SLC39A10: variants seen among roughly 807,000 people sequenced by gnomAD.
SLC39A10 encodes the protein solute carrier family 39 member 10.
In SLC39A10, 13 loss-of-function variants were observed where a neutral mutation model predicts 65.1. That is an observed-to-expected ratio of 0.20 (90% CI 0.13 to 0.32). The LOEUF is 0.32. Ranked by LOEUF, SLC39A10 falls within the 10% of genes least tolerant of loss-of-function variation. The pLI, the probability that SLC39A10 is intolerant of heterozygous loss-of-function variation, is 1.00. For missense variants in SLC39A10, 831 were observed against 1,018.4 expected (o/e 0.82, Z 2.50); for synonymous variants, 321 against 342.2 (o/e 0.94, Z 0.68).
intron 2 of SLC39A10, among the ~76,000 whole-genome samples, chr2:195,637,353 G>T (rs1002787369): frequency 6.6e-6 from 1 of 152,170 alleles, no homozygotes; most frequent in Admixed American, 6.5e-5. Flanking sequence ...CCCCACATGA[G>T]AGGTATTTTG....
chr2:195,677,409 T>G (rs570872042), intron 1 of SLC39A10, among the ~76,000 whole-genome samples: 19 of 152,182 alleles, frequency 1.2e-4, no homozygotes, highest in Admixed American at 7.2e-4. Context: ...CTGAGCGTGG[T>G]GGCACACACA....
intron 1 of SLC39A10, among the ~76,000 whole-genome samples, chr2:195,673,533 C>T (rs1320568172): frequency 6.6e-6 from 1 of 152,198 alleles, no homozygotes; most frequent in Non-Finnish European, 1.5e-5. Context: ...TGTTGTCTAG[C>T]TTGCATCAAA....
intron 2 of SLC39A10, among the ~76,000 whole-genome samples, chr2:195,681,936 A>G (rs1038560524): frequency 1.3e-5 from 2 of 152,154 alleles, no homozygotes; most frequent in Non-Finnish European, 2.9e-5. Context: ...TCTCTGTGTC[A>G]CTTTATGATA....
At chr2:195,668,533 A>G (rs1408414761) in intron 1 of SLC39A10, among the ~76,000 whole-genome samples, 4 of 152,224 alleles carry the variant, frequency 2.6e-5, no homozygotes. Flanking sequence ...TTTCCCCATC[A>G]TTATTAGCAT....
rs148345614 is a variant in SLC39A10 at position 195,713,446 on chromosome 2, G to T, written c.1589G>T (p.Trp530Leu). Reference sequence around the variant, plus strand: ...TTCTTTTTTTAGGGAAAACAGAAATGGTTTATGAAACAGAACACAGAAGAA... The same window carrying T: ...TTCTTTTTTTAGGGAAAACAGAAATTGTTTATGAAACAGAACACAGAAGAA... Reference protein sequence around the residue: ...HYKQQRGKQKWFMKQNTEEST... With the variant: ...HYKQQRGKQKLFMKQNTEEST... Residue 530 changes from tryptophan to leucine, a missense_variant, in exon 6 of 10, where the codon TGG becomes TTG. Trp to Leu is a moderately conservative substitution (Grantham distance 61). This residue lies in a region of SLC39A10 where 230 missense variants were observed against 242.9 expected (regional missense o/e 0.95). Transcript: ENST00000359634. 4 of 1,553,922 alleles carry T rather than the reference G, an allele frequency of 2.6e-6. No homozygotes were observed. Among genetic ancestry groups the T allele is most frequent in the Non-Finnish European group, 3.4e-6 (4 of 1,160,094 alleles).
intron 1 of SLC39A10, among the ~76,000 whole-genome samples, chr2:195,674,402 C>T (rs998734735): frequency 1.3e-5 from 2 of 152,042 alleles, no homozygotes; most frequent in South Asian, 2.1e-4. Context: ...CTCACCTTCC[C>T]GAGTAGCTGA....
chr2:195,639,806 C>A (rs971565617), intron 2 of SLC39A10, among the ~76,000 whole-genome samples: 1 of 152,176 alleles, frequency 6.6e-6, no homozygotes, highest in Non-Finnish European at 1.5e-5. Flanking sequence ...GAACTCCTGA[C>A]CACCTGGCTC....
chr2:195,733,484 G>T (rs975982792), intron 9 of SLC39A10, among the ~76,000 whole-genome samples: 1 of 152,028 alleles, frequency 6.6e-6, no homozygotes, highest in African/African-American at 2.4e-5. Flanking sequence ...ATTATTCTTA[G>T]ATGTAATAGT....
chr2:195,649,778 T>C (rs1688993988), intron 2 of SLC39A10, among the ~76,000 whole-genome samples: 1 of 152,226 alleles, frequency 6.6e-6, no homozygotes, highest in Non-Finnish European at 1.5e-5. Context: ...GCTGTGCCAG[T>C]AGAGTTGCAA....
rs751765175 is a variant in SLC39A10, at chr2:195,737,219, T to TAGAC, written c.*2180_*2183dup. 1 of 152,668 alleles carries TAGAC rather than the reference T, an allele frequency of 6.6e-6. No individual in the cohort carries two copies. Among genetic ancestry groups the TAGAC allele is most frequent in the Non-Finnish European group, 1.5e-5 (1 of 68,052 alleles). The allele number at this position is 152,668 out of a possible 1,614,324, so 9.5% of individuals were successfully genotyped here. ...TCTAATGTATAGTTTCAAGTCTTAA[T>TAGAC]AGACAATCTGAATTCCACTACATTT... On this transcript the variant is annotated 3_prime_UTR_variant, in exon 10 of 10. Coordinates refer to ENST00000359634, the MANE Select transcript of SLC39A10 (RefSeq NM_020342.3).
intron 2 of SLC39A10, among the ~76,000 whole-genome samples, chr2:195,617,055 C>T (rs1688231863): frequency 6.6e-6 from 1 of 152,150 alleles, no homozygotes; most frequent in Non-Finnish European, 1.5e-5. Context: ...ATTATGATTT[C>T]AGGATTTTGA....
intron 2 of SLC39A10, among the ~76,000 whole-genome samples, chr2:195,613,062 C>T (rs1020547355): frequency 1.3e-5 from 2 of 152,176 alleles, no homozygotes; most frequent in African/African-American, 4.8e-5. Flanking sequence ...ACTGAACTTA[C>T]TCCCAACAGG....
At chr2:195,697,128 A>G (rs1690996777) in intron 3 of SLC39A10, among the ~76,000 whole-genome samples, 1 of 152,196 alleles carries the variant, frequency 6.6e-6, no homozygotes, top group South Asian at 2.1e-4. Context: ...AGGCAGAAAA[A>G]TATCCATGTA....
At chr2:195,613,291 A>C (rs1207208877) in intron 2 of SLC39A10, among the ~76,000 whole-genome samples, 1 of 152,078 alleles carries the variant, frequency 6.6e-6, no homozygotes, top group African/African-American at 2.4e-5. Context: ...GCTCAAAAGG[A>C]GAATTTTTTT....
At chr2:195,692,444 C>G (rs1320510753) in intron 3 of SLC39A10, among the ~76,000 whole-genome samples, 2 of 152,086 alleles carry the variant, frequency 1.3e-5, no homozygotes, top group Admixed American at 1.3e-4. Flanking sequence ...GCAGTGTGGT[C>G]AATTTCACAG....
rs146013451 is a variant in SLC39A10 at position 195,702,226 on chromosome 2, G to C, written c.1217-4390G>C. ...GCAACATGGCCACCTGTCTCTGCCT[G>C]TACTTCTGTGATCAGAATCAGTGAT... On this transcript the variant is annotated intron_variant, in intron 3 of 9. Coordinates refer to ENST00000359634, the MANE Select transcript of SLC39A10 (RefSeq NM_020342.3). Among the ~76,000 whole-genome samples, 296 of 152,250 alleles carry C rather than the reference G, an allele frequency of 1.9e-3. 1 individual carries two copies. Among genetic ancestry groups the C allele is most frequent in the African/African-American group, 6.7e-3 (278 of 41,552 alleles).
In SLC39A10 at chr2:195,689,421, C is replaced by G. The variant is rs1321121710; in HGVS notation, c.1216+5515C>G. 4.9e-5 allele frequency among the ~76,000 whole-genome samples: 7 copies of G among 143,772 alleles called. No individual in the cohort carries two copies. In the East Asian group the frequency reaches 1.4e-3, roughly 29 times the overall value. The allele number at this position is 143,772 out of a possible 152,430, so 94.3% of individuals were successfully genotyped here. On this transcript the variant is annotated intron_variant, in intron 3 of 9. Transcript: ENST00000359634. ...TGGATAACGAAGTGAGAACCTGTCT[C>G]AAAAAAAAAAGAGGACTTTGGGTTT...
chr2:195,632,728 G>A (rs1178561455), intron 2 of SLC39A10, among the ~76,000 whole-genome samples: 1 of 150,132 alleles, frequency 6.7e-6, no homozygotes, highest in Non-Finnish European at 1.5e-5. Flanking sequence ...TCTTCATCTG[G>A]TGATGAAAAG....
intron 5 of SLC39A10, among the ~76,000 whole-genome samples, chr2:195,713,205 A>G (rs1316095160): frequency 6.6e-6 from 1 of 152,242 alleles, no homozygotes; most frequent in Non-Finnish European, 1.5e-5. Context: ...ACTTCAAAGT[A>G]GATGAATGGA....
Sources: allele counts gnomAD v4.1 joint callset (sites outside exome capture counted in the v4.1 genomes callset), GRCh38; gene constraint gnomAD v4.1.1; regional missense constraint gnomAD v4.1.1; transcripts MANE v1.5; gene names NCBI Gene and HGNC (gene_info 2026-07-23, HGNC 2026-07-21).